The following DZIP1L variants were observed in gnomAD, a reference collection of about 807,000 sequenced individuals.
DZIP1L encodes cilium assembly protein DZIP1L.
DZIP1L carries 90 observed loss-of-function variants against 88.7 expected under a neutral mutation model. That is an observed-to-expected ratio of 1.02 (90% CI 0.86 to 1.21). The LOEUF is 1.21. DZIP1L is among the 50% of genes most tolerant of loss of function. DZIP1L has a pLI of 0.00. For synonymous variants in DZIP1L, 363 were observed against 372.1 expected (o/e 0.98, Z 0.28); for missense variants, 932 against 955.8 (o/e 0.98, Z 0.33).
chr3:138,110,944 G>A (rs574485592), intron 1 of DZIP1L, among the ~76,000 whole-genome samples: 1 of 152,290 alleles, frequency 6.6e-6, no homozygotes, highest in African/African-American at 2.4e-5. Context: ...TTTCTCCAGA[G>A]AGACAGAAAA....
intron 1 of DZIP1L, among the ~76,000 whole-genome samples, chr3:138,114,110 G>A (rs1387171641): frequency 6.6e-6 from 1 of 152,218 alleles, no homozygotes; most frequent in Non-Finnish European, 1.5e-5. Context: ...TTCACCTTCA[G>A]TGACTAAGCC....
chr3:138,090,591 T>C (rs372340079), intron 5 of DZIP1L, among the ~76,000 whole-genome samples: 1 of 152,154 alleles, frequency 6.6e-6, no homozygotes, highest in African/African-American at 2.4e-5. Context: ...CACACAGAGT[T>C]CTCGTTTCAA....
intron 2 of DZIP1L, among the ~76,000 whole-genome samples, chr3:138,099,658 T>C (rs2107832696): frequency 6.6e-6 from 1 of 152,278 alleles, no homozygotes; most frequent in Non-Finnish European, 1.5e-5. Flanking sequence ...TATAGATTAA[T>C]GCCCTCCCTT....
Position 138,077,375 on chromosome 3 carries a change from G to A in DZIP1L, c.1422+124C>T, listed in dbSNP as rs746508412. 9.0e-6 allele frequency: 13 copies of A among 1,447,240 alleles called. No homozygotes were observed. In the East Asian group the frequency reaches 9.3e-5, roughly 10 times the overall value. 89.6% of individuals were successfully genotyped at this position (1,447,240 alleles called of 1,614,324 possible). A position where few individuals can be genotyped will look rare whatever the true frequency, so the allele number is the denominator to read the frequency against. On this transcript the variant is annotated intron_variant, in intron 11 of 15. Coordinates refer to ENST00000327532, the MANE Select transcript of DZIP1L (RefSeq NM_173543.3). ...AGGCGTGCAGATGCCAGAGGAGCCC[G>A]GGCTGCCACAAGTGAGATGAATGAG...
chr3:138,065,770 C>T (rs1280416668), intron 14 of DZIP1L, among the ~76,000 whole-genome samples: 3 of 152,162 alleles, frequency 2.0e-5, no homozygotes, highest in African/African-American at 7.2e-5. Flanking sequence ...CTTGGAAAGA[C>T]AAAACTCTAA....
chr3:138,112,433 G>A (rs1272316924), intron 1 of DZIP1L: 1 of 152,116 alleles, frequency 6.6e-6, no homozygotes, highest in Non-Finnish European at 1.5e-5. Context: ...TTAGTGTTGG[G>A]GATTCTAAAT....
chr3:138,067,284 T>C lies in DZIP1L; in HGVS notation c.2002+247A>G, dbSNP rs571777630. Among the ~76,000 whole-genome samples the C allele has an allele frequency of 2.1e-3, 314 of 152,328 alleles. 1 individual carries two copies. The highest frequency in any genetic ancestry group is 7.3e-3 in the African/African-American group (302 of 41,566). ...CTTCAACCTCCCACAGTTAACAATT[T>C]AATGACAAAACAAGGGGTAAAACTA... On this transcript the variant is annotated intron_variant, in intron 14 of 15. Transcript: ENST00000327532.
intron 5 of DZIP1L, chr3:138,088,980 T>C: frequency 1.0e-6 from 1 of 985,424 alleles, no homozygotes; most frequent in East Asian, 1.1e-4. Context: ...CAATACCTAG[T>C]GATTCCTGGG....
intron 1 of DZIP1L, chr3:138,108,183 G>A (rs898926713): frequency 1.0e-6 from 1 of 984,976 alleles, no homozygotes; most frequent in African/African-American, 1.7e-5. Flanking sequence ...TGGGTGACAT[G>A]ATACTCACCA....
chr3:138,069,421 C>A (rs1410294032), intron 12 of DZIP1L, among the ~76,000 whole-genome samples: 1 of 152,148 alleles, frequency 6.6e-6, no homozygotes, highest in Non-Finnish European at 1.5e-5. Flanking sequence ...AAGTTACACG[C>A]AAATTTTCAA....
chr3:138,079,971 C>T (rs886391788), intron 10 of DZIP1L, among the ~76,000 whole-genome samples: 2 of 152,178 alleles, frequency 1.3e-5, no homozygotes, highest in African/African-American at 4.8e-5. Context: ...GATCTTCTTG[C>T]AGTCAGGGAG....
chr3:138,104,087 G>T, intron 1 of DZIP1L, 35 bp from the exon 2 acceptor site: 2 of 1,483,118 alleles, frequency 1.3e-6, no homozygotes, highest in Non-Finnish European at 1.8e-6. Context: ...GTTAGGTGAG[G>T]TGTGTGTGGC....
chr3:138,087,710 T>C (rs1021019900), intron 6 of DZIP1L, among the ~76,000 whole-genome samples: 5 of 152,224 alleles, frequency 3.3e-5, no homozygotes, highest in Non-Finnish European at 1.5e-5. Context: ...AGACTTTACA[T>C]TTTTTCTCAA....
At chr3:138,093,495 A>G (rs531569837) in intron 4 of DZIP1L, among the ~76,000 whole-genome samples, 2 of 152,334 alleles carry the variant, frequency 1.3e-5, no homozygotes, top group East Asian at 3.9e-4. Flanking sequence ...AGACCCTAAA[A>G]AGAGAATCAT....
intron 2 of DZIP1L, chr3:138,102,356 T>C: frequency 8.4e-7 from 1 of 1,191,580 alleles, no homozygotes. Context: ...TCTCCATCTT[T>C]GTATGCTTAT....
chr3:138,068,052 C>T (rs541576701), intron 13 of DZIP1L, 99 bp downstream of exon 13: 192 of 1,097,730 alleles, frequency 1.7e-4, no homozygotes, highest in Non-Finnish European at 2.2e-4. Flanking sequence ...GTCTGCCCCC[C>T]TCCTATCTGC....
rs144850963 is a variant in DZIP1L, at chr3:138,066,383, G to A, written c.2002+1148C>T. ...ACTCAAACAGCATTAAAGACTATGGGGATATTCTTAACATTGGGAACACAG... is the reference window on the plus strand; with the variant it reads ...ACTCAAACAGCATTAAAGACTATGGAGATATTCTTAACATTGGGAACACAG... On this transcript the variant is annotated intron_variant, in intron 14 of 15. Transcript: ENST00000327532. 2.4e-3 allele frequency among the ~76,000 whole-genome samples: 365 copies of A among 152,234 alleles called. 2 individuals are homozygous for A. The highest frequency in any genetic ancestry group is 7.9e-3 in the African/African-American group (330 of 41,542).
At chr3:138,102,320 A>G (rs1576497112) in intron 2 of DZIP1L, 2 of 1,328,958 alleles carry the variant, frequency 1.5e-6, no homozygotes, top group East Asian at 2.3e-5. Flanking sequence ...CTTCATCCAC[A>G]TCTTTCTCGA....
chr3:138,083,929 A>G (rs1156278034), intron 8 of DZIP1L, among the ~76,000 whole-genome samples, 184 bp downstream of exon 8: 10 of 152,208 alleles, frequency 6.6e-5, no homozygotes, highest in Non-Finnish European at 1.3e-4. Context: ...GCACATCTTC[A>G]GCCTGGAAGG....
Sources: allele counts gnomAD v4.1 joint callset (sites outside exome capture counted in the v4.1 genomes callset), GRCh38; gene constraint gnomAD v4.1.1; transcripts MANE v1.5; gene names NCBI Gene and HGNC (gene_info 2026-07-23, HGNC 2026-07-21).